Variants in PALM2AKAP2 observed in about 807,000 individuals in gnomAD.
The protein encoded by PALM2AKAP2 is PALM2 and AKAP2 fusion, also known as PALM2-AKAP2 fusion protein.
In PALM2AKAP2, 37 loss-of-function variants were observed where a neutral mutation model predicts 71.5. The observed-to-expected ratio is 0.52, with a 90% CI of 0.40 to 0.68. The LOEUF (loss-of-function observed/expected upper bound fraction) is 0.68. Among genes scored for constraint, PALM2AKAP2 ranks in the 30% least tolerant of loss-of-function variants. The pLI is 0.00. For missense variants in PALM2AKAP2, 1,224 were observed against 1,191.8 expected, an observed-to-expected ratio of 1.03 and a Z score of -0.40; for synonymous variants, 468 against 478.8, an observed-to-expected ratio of 0.98 and a Z score of 0.29.
At chr9:110,105,051 T>G (rs1486776612) in intron 1 of PALM2AKAP2, among the ~76,000 whole-genome samples, 1 of 152,174 alleles carries the variant, frequency 6.6e-6, no homozygotes, top group East Asian at 1.9e-4. Flanking sequence ...GTAACCCCAT[T>G]TTACAGGAGA....
intron 2 of PALM2AKAP2, among the ~76,000 whole-genome samples, chr9:109,868,242 G>C (rs1829510307): frequency 6.6e-6 from 1 of 152,144 alleles, no homozygotes. Context: ...AAAACATGAT[G>C]CACTTAAGCA....
intron 3 of PALM2AKAP2, among the ~76,000 whole-genome samples, chr9:109,894,886 G>C (rs905315066): frequency 6.6e-6 from 1 of 152,138 alleles, no homozygotes; most frequent in Admixed American, 6.5e-5. Context: ...AGAGTGCTGG[G>C]ATTACAAGCA....
chr9:110,085,035 C>T (rs897140685), intron 1 of PALM2AKAP2, among the ~76,000 whole-genome samples: 16 of 152,032 alleles, frequency 1.1e-4, no homozygotes, highest in African/African-American at 1.4e-4. Context: ...CCACCGCGCC[C>T]GGCCTAGATG....
At chr9:109,867,511 T>C in exon 2 of PALM2AKAP2, 1 of 1,612,840 alleles carries the variant, frequency 6.2e-7, no homozygotes, top group Non-Finnish European at 8.5e-7. Flanking sequence ...AGAGGCAGAC[T>C]GAAATAGAAG....
intron 3 of PALM2AKAP2, among the ~76,000 whole-genome samples, chr9:109,918,757 GC>G (rs1311852276): frequency 6.6e-6 from 1 of 152,220 alleles, no homozygotes; most frequent in African/African-American, 2.4e-5. Context: ...CACCCTCAGA[GC>G]CTGGCCCAAG....
At chr9:109,931,890 A>C (rs1343528026) in intron 5 of PALM2AKAP2, 37 bp from the exon 6 acceptor site, 8 of 1,608,720 alleles carry the variant, frequency 5.0e-6, no homozygotes, top group South Asian at 1.1e-5. Flanking sequence ...GCCTCCCAAC[A>C]CTGTGACTAA....
intron 3 of PALM2AKAP2, among the ~76,000 whole-genome samples, chr9:109,907,642 G>A (rs1321169903): frequency 3.3e-5 from 5 of 152,156 alleles, no homozygotes; most frequent in Non-Finnish European, 5.9e-5. Flanking sequence ...CAATCAGCCC[G>A]GCACAACCCA....
rs151140050 is a variant in PALM2AKAP2 at position 109,703,098 on chromosome 9, C to T, written c.5+62232C>T. Among the ~76,000 whole-genome samples the T allele has an allele frequency of 4.1e-3, 627 of 152,154 alleles. 3 individuals are homozygous for T. Among genetic ancestry groups the T allele is most frequent in the Non-Finnish European group, 6.0e-3 (406 of 68,002 alleles). On this transcript the variant is annotated intron_variant, in intron 1 of 6. Coordinates refer to the PALM2AKAP2 transcript ENST00000374531. ...CCTCTCAAAGTGCTGGAATTATAGG[C>T]GTGAGCCACTGTGCCTGGCCTATTT...
chr9:109,939,902 A>G (rs189805706), intron 6 of PALM2AKAP2, among the ~76,000 whole-genome samples: 40 of 152,342 alleles, frequency 2.6e-4, no homozygotes, highest in African/African-American at 8.9e-4. Context: ...AAAACCAAAC[A>G]TGGGATTTTG....
At chr9:110,084,023 G>A (rs1834505960) in intron 1 of PALM2AKAP2, among the ~76,000 whole-genome samples, 1 of 152,240 alleles carries the variant, frequency 6.6e-6, no homozygotes, top group African/African-American at 2.4e-5. Context: ...GCTGACCGCT[G>A]TGCTCCTGAA....
chr9:110,028,607 A>C (rs189018381), intron 7 of PALM2AKAP2, among the ~76,000 whole-genome samples: 1 of 152,280 alleles, frequency 6.6e-6, no homozygotes, highest in East Asian at 1.9e-4. Flanking sequence ...CCCAGATGGA[A>C]GGACACTTTG....
upstream of PALM2AKAP2, among the ~76,000 whole-genome samples, chr9:109,777,477 G>A (rs564771917): frequency 6.6e-6 from 1 of 152,316 alleles, no homozygotes; most frequent in East Asian, 1.9e-4. Flanking sequence ...CATGGGCTAT[G>A]TTCCTGTTCT....
chr9:110,157,236 T>G (rs538908610), intron 3 of PALM2AKAP2, among the ~76,000 whole-genome samples: 1 of 152,202 alleles, frequency 6.6e-6, no homozygotes, highest in Non-Finnish European at 1.5e-5. Context: ...CTGGCACCAG[T>G]CTCTTAGCAC....
chr9:109,658,711 A>G (rs1048677189), intron 1 of PALM2AKAP2, among the ~76,000 whole-genome samples: 68 of 152,178 alleles, frequency 4.5e-4, no homozygotes, highest in African/African-American at 1.6e-3. Context: ...CAAGAGGGAG[A>G]ATTAGAGCCA....
At chr9:109,884,864 A>G (rs1829931351) in intron 3 of PALM2AKAP2, among the ~76,000 whole-genome samples, 3 of 152,230 alleles carry the variant, frequency 2.0e-5, no homozygotes, top group Admixed American at 1.3e-4. Flanking sequence ...GGAATAGAGA[A>G]TAGTAACCAA....
rs563289912 is a variant in PALM2AKAP2 at position 110,073,106 on chromosome 9, A to G, written c.156+24251A>G. ...CCAGGTATAAGAAAAGAAAATTACAATTGATTCTGTAATTTCTTTTGTAAT... is the reference window on the plus strand; with the variant it reads ...CCAGGTATAAGAAAAGAAAATTACAGTTGATTCTGTAATTTCTTTTGTAAT... On this transcript the variant is annotated intron_variant, in intron 1 of 3. Transcript: ENST00000374525. Among the ~76,000 whole-genome samples, 43 of 152,320 alleles carry G rather than the reference A, an allele frequency of 2.8e-4. 1 individual carries two copies. In the South Asian group the frequency reaches 8.3e-3, roughly 29 times the overall value.
At chr9:109,756,901 A>T (rs1484402938) in intron 1 of PALM2AKAP2, among the ~76,000 whole-genome samples, 1 of 152,110 alleles carries the variant, frequency 6.6e-6, no homozygotes, top group Non-Finnish European at 1.5e-5. Context: ...TGTATAGAAA[A>T]CCTAATGATC....
At chr9:109,812,532 C>T (rs1368693921) in intron 1 of PALM2AKAP2, among the ~76,000 whole-genome samples, 2 of 152,208 alleles carry the variant, frequency 1.3e-5, no homozygotes, top group East Asian at 1.9e-4. Context: ...AAGCAAGGCG[C>T]GGCTGATGAG....
intron 3 of PALM2AKAP2, among the ~76,000 whole-genome samples, chr9:109,883,082 T>C (rs1401709593): frequency 6.6e-6 from 1 of 152,186 alleles, no homozygotes; most frequent in African/African-American, 2.4e-5. Flanking sequence ...AATGAGCCAT[T>C]GCGTGTGGAG....
Sources: gnomAD v4.1 joint callset for allele counts (sites outside exome capture counted in the v4.1 genomes callset) on GRCh38, gnomAD v4.1.1 for gene constraint, MANE v1.5 for transcripts, NCBI Gene and HGNC (gene_info 2026-07-23, HGNC 2026-07-21) for gene names.